Variants in KCNAB2 observed in about 807,000 individuals in gnomAD.
KCNAB2 encodes the protein voltage-gated potassium channel subunit beta-2.
KCNAB2 carries 29 observed loss-of-function variants against 63.6 expected under a neutral mutation model. The ratio of observed to expected loss-of-function variants is 0.46; its 90% CI spans 0.34 to 0.62. The LOEUF (loss-of-function observed/expected upper bound fraction) is 0.62, where lower values mean the gene tolerates loss of function less well. Among genes scored for constraint, KCNAB2 ranks in the 20% least tolerant of loss-of-function variants. The pLI, the probability that KCNAB2 is intolerant of heterozygous loss-of-function variation, is 0.01. For synonymous variants in KCNAB2, 222 were observed against 224.2 expected (o/e 0.99, Z 0.09); for missense variants, 359 against 563.9 (o/e 0.64, Z 3.68).
chr1:6,045,856 C>T, upstream of KCNAB2: 2 of 979,844 alleles, frequency 2.0e-6, no homozygotes, highest in Non-Finnish European at 2.4e-6. This position sits in a 1 kb window ranked among gnomAD's most constrained non-coding sequence, Gnocchi z 4.8. Context: ...CTCCCCCTCA[C>T]CTTGGGCTGC....
At chr1:6,027,766 C>T (rs1328274329) in intron 1 of KCNAB2, among the ~76,000 whole-genome samples, 2 of 152,146 alleles carry the variant, frequency 1.3e-5, no homozygotes, top group African/African-American at 2.4e-5. Flanking sequence ...CCTTGGGCAC[C>T]GTGGTTAGGT....
At chr1:6,056,573 C>T (rs1661847606) in intron 2 of KCNAB2, among the ~76,000 whole-genome samples, 1 of 152,128 alleles carries the variant, frequency 6.6e-6, no homozygotes, top group African/African-American at 2.4e-5. Context: ...TGGACACCAG[C>T]CCTCAGTTCA....
At position 6,073,708 on chromosome 1, in the gene KCNAB2, C is replaced by G. The variant is rs753203029; in HGVS notation, c.263-25C>G. ...ATCTGGCTTCCTGCCAGGTTCCTAA[C>G]TTGAGCCCCTGTGTCTCCTTCCAGG... On this transcript the variant is annotated intron_variant, in intron 3 of 15. Coordinates refer to ENST00000378083, the MANE Select transcript of KCNAB2 (RefSeq NM_001199862.2). The surrounding 1 kb of genome is among the most constrained non-coding windows in gnomAD (Gnocchi z 5.7). 5.1e-5 allele frequency: 82 copies of G among 1,613,762 alleles called. No individual in the cohort carries two copies. The highest frequency in any genetic ancestry group is 6.7e-5 in the Non-Finnish European group (79 of 1,179,740).
At chr1:6,068,552 G>A (rs546309066) in intron 2 of KCNAB2, among the ~76,000 whole-genome samples, 2 of 152,314 alleles carry the variant, frequency 1.3e-5, no homozygotes, top group Admixed American at 6.5e-5. Flanking sequence ...CTGTCACGGC[G>A]GGAGGGTAGG....
In KCNAB2 at chr1:5,993,876, T is replaced by C. The variant is rs531588658; in HGVS notation, c.-53+1088T>C. On this transcript the variant is annotated intron_variant, in intron 1 of 16. Transcript: ENST00000341524. ...GAGCTGAAGGCAGGGGTCTTGACCC[T>C]GCGGTTAGCAGGGCCACCTTAGGAA... Among the ~76,000 whole-genome samples the C allele has an allele frequency of 1.0e-3, 159 of 152,320 alleles. 1 individual carries two copies. Among genetic ancestry groups the C allele is most frequent in the Middle Eastern group, 6.8e-3 (2 of 294 alleles).
intron 1 of KCNAB2, among the ~76,000 whole-genome samples, chr1:6,021,106 C>T (rs1658791070): frequency 6.6e-6 from 1 of 152,228 alleles, no homozygotes; most frequent in African/African-American, 2.4e-5. Flanking sequence ...CATCCTCCTG[C>T]CTCAGCCTCC....
At chr1:6,062,600 A>G (rs1000216064) in intron 2 of KCNAB2, among the ~76,000 whole-genome samples, 1 of 152,088 alleles carries the variant, frequency 6.6e-6, no homozygotes, top group African/African-American at 2.4e-5. Context: ...TGGGAAGAAC[A>G]TGGTCAGTGG....
intron 4 of KCNAB2, among the ~76,000 whole-genome samples, chr1:6,075,814 C>G (rs1471867289): frequency 6.6e-6 from 1 of 152,206 alleles, no homozygotes; most frequent in African/African-American, 2.4e-5. Context: ...TACTGTGCCA[C>G]CCTTACCAAT....
At chr1:6,048,294 A>G (rs567483738) in intron 1 of KCNAB2, among the ~76,000 whole-genome samples, 2 of 152,262 alleles carry the variant, frequency 1.3e-5, no homozygotes, top group African/African-American at 4.8e-5. Context: ...ATTTATCATA[A>G]TTGGTGTCTT....
rs1184319685 is a variant in KCNAB2, at chr1:6,087,720, A to G, written c.470+209A>G. On this transcript the variant is annotated intron_variant, in intron 7 of 15. Coordinates refer to ENST00000378083, the MANE Select transcript of KCNAB2 (RefSeq NM_001199862.2). The surrounding 1 kb of genome is among the most constrained non-coding windows in gnomAD (Gnocchi z 6.4). The stretch of plus-strand genomic sequence containing the variant: ...GGGCAGAGCTGGTGTTTCTGCAGCC[A>G]TCAGCTATGCCTGGTGCCTGTCCCT... Among the ~76,000 whole-genome samples the G allele has an allele frequency of 6.6e-6, 1 of 152,232 alleles. No individual in the cohort carries two copies. Among genetic ancestry groups the G allele is most frequent in the Non-Finnish European group, 1.5e-5 (1 of 68,038 alleles).
chr1:6,042,397 G>T (rs534261039), upstream of KCNAB2, among the ~76,000 whole-genome samples: 10 of 152,290 alleles, frequency 6.6e-5, no homozygotes, highest in Non-Finnish European at 1.5e-4. Flanking sequence ...ATGTTTTTCT[G>T]TTGGTGAATT....
intron 1 of KCNAB2, among the ~76,000 whole-genome samples, chr1:6,047,395 C>T (rs1241474431): frequency 6.6e-6 from 1 of 152,166 alleles, no homozygotes; most frequent in South Asian, 2.1e-4. Context: ...CCGCTGGTAA[C>T]GGGCAGAGCC....
At chr1:6,088,819 G>A (rs1006235917) in intron 7 of KCNAB2, among the ~76,000 whole-genome samples, 189 bp from the exon 8 acceptor site, 1 of 138,426 alleles carries the variant, frequency 7.2e-6, no homozygotes, top group South Asian at 2.4e-4. Flanking sequence ...CCTGTGACCA[G>A]GCCTCTCCCT....
chr1:6,002,269 G>T (rs937149274), intron 1 of KCNAB2, among the ~76,000 whole-genome samples: 1 of 152,238 alleles, frequency 6.6e-6, no homozygotes, highest in African/African-American at 2.4e-5. Flanking sequence ...GACACCAAGG[G>T]ATCCTCCCCA....
chr1:6,076,365 A>G (rs1231699044), intron 4 of KCNAB2, among the ~76,000 whole-genome samples: 1 of 152,196 alleles, frequency 6.6e-6, no homozygotes, highest in African/African-American at 2.4e-5. Context: ...GAACCCTAAA[A>G]TGACGTAATG....
intron 15 of KCNAB2, chr1:6,098,143 T>C: frequency 9.4e-7 from 1 of 1,066,078 alleles, no homozygotes; most frequent in African/African-American, 1.7e-5. Context: ...TGCTGTATGC[T>C]GAGGCAGGCG....
In KCNAB2 at chr1:6,085,187, G is replaced by T; in HGVS notation, c.381-17G>T. 6.2e-7 allele frequency: 1 copy of T among 1,613,766 alleles called. No homozygotes were observed. The highest frequency in any genetic ancestry group is 8.5e-7 in the Non-Finnish European group (1 of 1,179,716). On this transcript the variant is annotated splice_polypyrimidine_tract_variant and intron_variant, in intron 5 of 15. Transcript: ENST00000378083. ...TTCTGTTTGGCTGTGATGAGAGCTC[G>T]GTGTCTTGTTTTGCAGGGCTGAAGT... is the stretch of plus-strand genomic sequence containing the variant.
At chr1:6,075,387 AG>A (rs1347530741) in intron 4 of KCNAB2, among the ~76,000 whole-genome samples, 2 of 152,246 alleles carry the variant, frequency 1.3e-5, no homozygotes, top group Non-Finnish European at 2.9e-5. Context: ...AGGCCTCTGC[AG>A]TGTCTCCATC....
exon 1 of KCNAB2, chr1:6,034,621 C>G (rs1659887391): frequency 6.6e-6 from 1 of 152,354 alleles, no homozygotes; most frequent in East Asian, 1.9e-4. Context: ...GCCCTGAGCA[C>G]CCCCACTGGA....
Sources: gnomAD v4.1 joint callset for allele counts (sites outside exome capture counted in the v4.1 genomes callset) on GRCh38, gnomAD v4.1.1 for gene constraint, Gnocchi (gnomAD v3.1) non-coding constraint, MANE v1.5 for transcripts, NCBI Gene and HGNC (gene_info 2026-07-23, HGNC 2026-07-21) for gene names.